FAXC: variants seen among roughly 807,000 people sequenced by gnomAD.
FAXC encodes failed axon connections homolog.
In FAXC, 10 loss-of-function variants were observed where a neutral mutation model predicts 41.9. The observed-to-expected ratio is 0.24, with a 90% confidence interval of 0.15 to 0.41. FAXC has a LOEUF of 0.41. Among genes scored for constraint, FAXC ranks in the 10% least tolerant of loss-of-function variants. The pLI, the probability that FAXC is intolerant of heterozygous loss-of-function variation, is 1.00. For missense variants in FAXC, 399 were observed against 510.9 expected (o/e 0.78, Z 2.11); for synonymous variants, 183 against 183.8 (o/e 1.00, Z 0.03).
rs1429642457 is a variant in FAXC at position 99,292,327 on chromosome 6, A to G, written c.824-507T>C. ...TCCCATGACGCTACATGGTCCTGGC[A>G]AAGTTCTCACCTCTGAGGATCAGCT... On this transcript the variant is annotated intron_variant, in intron 4 of 5. Coordinates refer to ENST00000389677, the MANE Select transcript of FAXC (RefSeq NM_032511.4). Among the ~76,000 whole-genome samples, 4 of 152,352 alleles carry G rather than the reference A, an allele frequency of 2.6e-5. No individual in the cohort carries two copies. The South Asian group carries it at 8.3e-4, about 32-fold the overall frequency.
At chr6:99,336,709 C>T (rs564940469) in intron 2 of FAXC, among the ~76,000 whole-genome samples, 2 of 152,232 alleles carry the variant, frequency 1.3e-5, no homozygotes, top group Admixed American at 1.3e-4. Context: ...CCTGGGTCTC[C>T]CTTAACCCTC....
chr6:99,334,662 A>T, intron 2 of FAXC: 8 of 883,954 alleles, frequency 9.1e-6, no homozygotes, highest in Non-Finnish European at 1.1e-5. Flanking sequence ...CTCTTAATAC[A>T]TCCCTTTCTG....
At chr6:99,286,835 T>C (rs1771045335) in intron 5 of FAXC, among the ~76,000 whole-genome samples, 1 of 152,184 alleles carries the variant, frequency 6.6e-6, no homozygotes, top group Non-Finnish European at 1.5e-5. Context: ...CAGTATAAAA[T>C]GGCAAAAATT....
At chr6:99,318,300 C>T (rs371821336) in intron 4 of FAXC, among the ~76,000 whole-genome samples, 1 of 127,554 alleles carries the variant, frequency 7.8e-6, no homozygotes, top group Non-Finnish European at 1.7e-5. Context: ...CACACACACA[C>T]ACACACAAAA....
At chr6:99,285,489 T>C (rs754669737) in intron 5 of FAXC, among the ~76,000 whole-genome samples, 3 of 152,336 alleles carry the variant, frequency 2.0e-5, no homozygotes, top group Non-Finnish European at 2.9e-5. Flanking sequence ...AACACCTAGA[T>C]ATGCTATGCA....
At chr6:99,321,735 A>T (rs1465815688) in intron 4 of FAXC, among the ~76,000 whole-genome samples, 1 of 152,254 alleles carries the variant, frequency 6.6e-6, no homozygotes, top group Non-Finnish European at 1.5e-5. Context: ...CTAAATCGCT[A>T]AACGCGAGAG....
intron 2 of FAXC, 74 bp from the exon 3 acceptor site, chr6:99,333,621 A>G (rs893660079): frequency 7.1e-6 from 9 of 1,260,858 alleles, no homozygotes; most frequent in Non-Finnish European, 8.8e-6. Flanking sequence ...AATAGAAACA[A>G]ACATTCCAAC....
chr6:99,305,669 G>A (rs1440816020), intron 4 of FAXC, among the ~76,000 whole-genome samples: 1 of 149,830 alleles, frequency 6.7e-6, no homozygotes, highest in Non-Finnish European at 1.5e-5. Flanking sequence ...AATATATATA[G>A]TAGGTATTTT....
chr6:99,317,299 G>A (rs4840030), intron 4 of FAXC, among the ~76,000 whole-genome samples: 30,864 of 151,974 alleles, frequency 0.2, 3,185 homozygotes, highest in Admixed American at 0.28. Flanking sequence ...CAAGCCTCCC[G>A]ATGAAGGGCA....
At position 99,293,698 on chromosome 6, in the gene FAXC, G is replaced by GTGTGTGTGTC. The variant is rs1554198516; in HGVS notation, c.824-1879_824-1878insGACACACACA. ...TGTGTGTGTGTGTGTGTGTGTGTGT[G>GTGTGTGTGTC]TGTGTGTGTGTGTGTCTGTGTGTGT... On this transcript the variant is annotated intron_variant, in intron 4 of 5. Transcript: ENST00000389677. Among the ~76,000 whole-genome samples the GTGTGTGTGTC allele has an allele frequency of 9.5e-3, 1,364 of 143,818 alleles. 17 individuals carry two copies. The highest frequency in any genetic ancestry group is 0.016 in the Non-Finnish European group (1,023 of 65,428). 94.4% of individuals were successfully genotyped at this position (143,818 alleles called of 152,430 possible).
chr6:99,331,357 C>T (rs1773017764), intron 3 of FAXC, among the ~76,000 whole-genome samples: 1 of 152,122 alleles, frequency 6.6e-6, no homozygotes, highest in Admixed American at 6.5e-5. Flanking sequence ...CACGGGGTAC[C>T]ACTTCCCAAC....
At chr6:99,304,481 T>C (rs1410153908) in intron 4 of FAXC, among the ~76,000 whole-genome samples, 1 of 152,176 alleles carries the variant, frequency 6.6e-6, no homozygotes, top group Non-Finnish European at 1.5e-5. Context: ...CCTTTTTACC[T>C]TGGTTGCCAA....
intron 4 of FAXC, among the ~76,000 whole-genome samples, chr6:99,315,990 C>A (rs1046397416): frequency 6.6e-6 from 1 of 152,152 alleles, no homozygotes. Flanking sequence ...AGGATCTATA[C>A]AAATCCAATT....
chr6:99,349,346 C>A lies in FAXC; in HGVS notation c.27G>T (p.Ser9=), dbSNP rs568209650. The A allele has an allele frequency of 1.9e-6, 3 of 1,612,348 alleles. No homozygotes were observed. Among genetic ancestry groups the A allele is most frequent in the Admixed American group, 1.7e-5 (1 of 59,976 alleles). ...TCAGATCCACCACGCACGGCCTGGA[C>A]GAAGCAAAGCCAACCCCCCAGTGCA... MHWGVGFA[S]SRPCVVDLSW... The change falls in exon 1 of 6, where the codon TCG becomes TCT. Residue 9 remains serine, a synonymous_variant. Transcript: ENST00000389677.
rs1210249057 is a variant in FAXC at position 99,349,209 on chromosome 6, G to A, written c.164C>T (p.Ala55Val). 1.2e-6 allele frequency: 2 copies of A among 1,613,834 alleles called. No individual in the cohort carries two copies. The highest frequency in any genetic ancestry group is 1.7e-5 in the Admixed American group (1 of 60,010). Residue 55 changes from alanine (A) to valine (V), a missense_variant, in exon 1 of 6, where the codon GCA (alanine) becomes GTA (valine). Around this residue, in one of 3 missense-constraint regions of FAXC, gnomAD observed 239 missense variants for 352.7 expected, o/e 0.68. Transcript: ENST00000389677. ...CCACCAGGGATCGGAGCCCAGCCCT[G>A]CCATGATCCCACCGTAATCCTGCAA... ...FPLQDYGGIM[A>V]GLGSDPWWKK...
At chr6:99,293,831 C>T (rs988293973) in intron 4 of FAXC, among the ~76,000 whole-genome samples, 1 of 151,940 alleles carries the variant, frequency 6.6e-6, no homozygotes, top group Non-Finnish European at 1.5e-5. Context: ...TTACTACATG[C>T]CTGGCCTGGT....
rs754226454 is a variant in FAXC at position 99,333,555 on chromosome 6, G to C, written c.403-8C>G. The C allele has an allele frequency of 1.9e-6, 3 of 1,577,448 alleles. No homozygotes were observed. The highest frequency in any genetic ancestry group is 4.0e-5 in the Admixed American group (2 of 50,560). ...TTTTCCACCAAAATAGTTCTAAGCA[G>C]AGTACATTTTTAAAAAGAGAAAAGC... On this transcript the variant is annotated splice_region_variant and splice_polypyrimidine_tract_variant and intron_variant, in intron 2 of 5. Coordinates refer to ENST00000389677, the MANE Select transcript of FAXC (RefSeq NM_032511.4).
In FAXC at chr6:99,349,359, A is replaced by G. The variant is rs1773711036; in HGVS notation, c.14T>C (p.Val5Ala). Reference sequence around the variant, plus strand: ...GCACGGCCTGGACGAAGCAAAGCCAACCCCCCAGTGCATGCTGCGCGGCTG... The same window carrying G: ...GCACGGCCTGGACGAAGCAAAGCCAGCCCCCCAGTGCATGCTGCGCGGCTG... MHWG[V>A]GFASSRPCVV... The change falls in exon 1 of 6, where the codon GTT becomes GCT. Residue 5 changes from valine to alanine, a missense_variant. By Grantham distance (64) the Val-to-Ala change is moderately conservative. Around this residue, in one of 3 missense-constraint regions of FAXC, gnomAD observed 68 missense variants for 63.4 expected, o/e 1.07. Transcript: ENST00000389677. The G allele has an allele frequency of 6.2e-7, 1 of 1,611,244 alleles. No individual in the cohort carries two copies. Among genetic ancestry groups the G allele is most frequent in the Non-Finnish European group, 8.5e-7 (1 of 1,179,530 alleles).
At chr6:99,304,646 A>G (rs917767035) in intron 4 of FAXC, among the ~76,000 whole-genome samples, 3 of 152,180 alleles carry the variant, frequency 2.0e-5, no homozygotes, top group Non-Finnish European at 4.4e-5. Context: ...GATTGCCTCA[A>G]CTGACCTTGG....
Sources: gnomAD v4.1 joint callset for allele counts (sites outside exome capture counted in the v4.1 genomes callset) on GRCh38, gnomAD v4.1.1 for gene constraint, gnomAD v4.1.1 regional missense constraint, MANE v1.5 for transcripts, NCBI Gene and HGNC (gene_info 2026-07-23, HGNC 2026-07-21) for gene names.